KIF16B: variants seen among roughly 807,000 people sequenced by gnomAD.
KIF16B encodes the protein kinesin-like protein KIF16B.
KIF16B carries 98 observed loss-of-function variants against 156.3 expected under a neutral mutation model. That is an observed-to-expected ratio of 0.63 (90% CI 0.53 to 0.74). The LOEUF is 0.74. KIF16B is among the 30% of genes least tolerant of loss of function. KIF16B has a pLI of 0.00. For missense variants in KIF16B, 1,421 were observed against 1,606.5 expected, an observed-to-expected ratio of 0.88 and a Z score of 1.97; for synonymous variants, 564 against 583.7, an observed-to-expected ratio of 0.97 and a Z score of 0.49.
intron 12 of KIF16B, among the ~76,000 whole-genome samples, chr20:16,472,495 C>A (rs1214291730): frequency 3.4e-5 from 5 of 146,934 alleles, no homozygotes; most frequent in Non-Finnish European, 5.9e-5. Flanking sequence ...GACAACATAA[C>A]CCTAACGTCA....
intron 23 of KIF16B, among the ~76,000 whole-genome samples, chr20:16,338,135 G>A (rs1328201920): frequency 6.6e-6 from 1 of 152,022 alleles, no homozygotes; most frequent in East Asian, 1.9e-4. Context: ...GCCTCTTCTG[G>A]AACATCCCTT....
At chr20:16,367,876 T>C (rs1018186799) in intron 22 of KIF16B, 1 of 1,538,772 alleles carries the variant, frequency 6.5e-7, no homozygotes, top group Non-Finnish European at 8.7e-7. Flanking sequence ...CAGAAGACCC[T>C]CTGCAGAGCT....
At chr20:16,439,556 A>G (rs2066737989) in intron 12 of KIF16B, among the ~76,000 whole-genome samples, 1 of 152,084 alleles carries the variant, frequency 6.6e-6, no homozygotes, top group African/African-American at 2.4e-5. Context: ...CTAAATCTCC[A>G]TAGCTTGCCC....
chr20:16,469,584 T>G (rs1397340255), intron 12 of KIF16B, among the ~76,000 whole-genome samples: 1 of 146,442 alleles, frequency 6.8e-6, no homozygotes, highest in Admixed American at 6.7e-5. Context: ...AAGAGTAAAT[T>G]AAATGCAAAG....
chr20:16,363,343 GTAACTTAA>G (rs2064588751), intron 22 of KIF16B, among the ~76,000 whole-genome samples: 1 of 152,280 alleles, frequency 6.6e-6, no homozygotes, highest in East Asian at 1.9e-4. Context: ...AATTGAATAT[GTAACTTAA>G]AAGGTCCTAG....
intron 1 of KIF16B, among the ~76,000 whole-genome samples, chr20:16,554,833 C>T (rs1485195179): frequency 6.6e-6 from 1 of 152,258 alleles, no homozygotes; most frequent in Non-Finnish European, 1.5e-5. Flanking sequence ...AAGCTGTTTG[C>T]AGTACATCTG....
chr20:16,510,576 G>A lies in KIF16B; in HGVS notation c.556+842C>T, dbSNP rs2068926581. ...GAGGCAGAGAATTGCTTGAACCCAG[G>A]AGACAGAGGTTGCCATGAGCTGAGA... On this transcript the variant is annotated intron_variant, in intron 6 of 25. Transcript: ENST00000354981. Among the ~76,000 whole-genome samples the A allele has an allele frequency of 1.3e-5, 2 of 152,142 alleles. 1 individual carries two copies. Among genetic ancestry groups the A allele is most frequent in the African/African-American group, 4.8e-5 (2 of 41,426 alleles).
intron 17 of KIF16B, chr20:16,382,144 GGAGA>G (rs367885730): frequency 3.8e-5 from 50 of 1,330,534 alleles, no homozygotes; most frequent in South Asian, 2.4e-4. Flanking sequence ...CCAGGGAGGT[GGAGA>G]GAGAGAGAGA....
At chr20:16,472,055 T>C (rs1457341861) in intron 12 of KIF16B, among the ~76,000 whole-genome samples, 2 of 152,254 alleles carry the variant, frequency 1.3e-5, no homozygotes, top group Non-Finnish European at 2.9e-5. Flanking sequence ...TACTGTCGTC[T>C]ATTGAGCACA....
intron 19 of KIF16B, 102 bp downstream of exon 19, chr20:16,378,703 G>T (rs1555864598): frequency 8.1e-7 from 1 of 1,234,140 alleles, no homozygotes. Context: ...AAGGCTAAAA[G>T]AATAAGTTAA....
At chr20:16,468,571 G>A (rs112497698) in intron 12 of KIF16B, among the ~76,000 whole-genome samples, 8,844 of 91,068 alleles carry the variant, frequency 0.097, 402 homozygotes, top group Middle Eastern at 0.2. Context: ...GCAAGACTCC[G>A]TCTCAAAAAA....
chr20:16,317,243 T>C (rs1424494153), intron 24 of KIF16B, among the ~76,000 whole-genome samples: 4 of 152,206 alleles, frequency 2.6e-5, no homozygotes. Context: ...GAACAGTGAA[T>C]GACAATCTGT....
intron 12 of KIF16B, among the ~76,000 whole-genome samples, chr20:16,454,636 C>A (rs941725083): frequency 2.0e-5 from 3 of 151,930 alleles, no homozygotes; most frequent in Admixed American, 1.3e-4. Context: ...TTTAAAATAT[C>A]TTTGTAGATC....
At chr20:16,392,158 G>T (rs887041871) in intron 17 of KIF16B, among the ~76,000 whole-genome samples, 1 of 152,076 alleles carries the variant, frequency 6.6e-6, no homozygotes, top group Non-Finnish European at 1.5e-5. Flanking sequence ...CAGCCTTTCC[G>T]GCCATACAGA....
rs143994564 is a variant in KIF16B, at chr20:16,516,708, T to C, written c.232-1044A>G. 9.2e-5 allele frequency among the ~76,000 whole-genome samples: 14 copies of C among 152,212 alleles called. No homozygotes were observed. The East Asian group carries it at 2.5e-3, about 27-fold the overall frequency. ...ATGGGACCCAGACGGATCAACCAAA[T>C]AGTCATCTCCAGCTACTGCCAAATC... is the stretch of plus-strand genomic sequence containing the variant. On this transcript the variant is annotated intron_variant, in intron 3 of 25. Transcript: ENST00000354981.
At chr20:16,414,196 A>G (rs1243510879) in intron 15 of KIF16B, among the ~76,000 whole-genome samples, 1 of 152,094 alleles carries the variant, frequency 6.6e-6, no homozygotes, top group Non-Finnish European at 1.5e-5. Flanking sequence ...GGCTTTAGGA[A>G]GCTAGATAGG....
At chr20:16,340,631 G>A (rs1028311223) in intron 23 of KIF16B, among the ~76,000 whole-genome samples, 3 of 152,184 alleles carry the variant, frequency 2.0e-5, no homozygotes, top group Non-Finnish European at 4.4e-5. Context: ...AACAAAATCA[G>A]GATAAAGGAA....
At chr20:16,304,312 C>G (rs1050205313) in intron 25 of KIF16B, among the ~76,000 whole-genome samples, 1 of 152,196 alleles carries the variant, frequency 6.6e-6, no homozygotes, top group Non-Finnish European at 1.5e-5. Context: ...TCATAAAGCA[C>G]TAACACATAT....
chr20:16,380,903 A>G (rs1205767486), intron 18 of KIF16B, among the ~76,000 whole-genome samples: 1 of 152,176 alleles, frequency 6.6e-6, no homozygotes, highest in African/African-American at 2.4e-5. Context: ...TTAGAGCAGG[A>G]ATACTGGGCT....
Sources: gnomAD v4.1 joint callset for allele counts (sites outside exome capture counted in the v4.1 genomes callset) on GRCh38, gnomAD v4.1.1 for gene constraint, MANE v1.5 for transcripts, NCBI Gene and HGNC (gene_info 2026-07-23, HGNC 2026-07-21) for gene names.